Variants in ARHGAP21 observed in about 807,000 individuals in gnomAD.
The protein encoded by ARHGAP21 is Rho GTPase activating protein 21, also known as rho GTPase-activating protein 21.
A neutral mutation model predicts 164.6 loss-of-function variants in ARHGAP21; 38 were observed. The ratio of observed to expected loss-of-function variants is 0.23; its 90% CI spans 0.18 to 0.30. ARHGAP21 has a LOEUF of 0.30. Among genes scored for constraint, ARHGAP21 ranks in the 10% least tolerant of loss-of-function variants. The pLI, the probability that ARHGAP21 is intolerant of heterozygous loss-of-function variation, is 1.00. For missense variants in ARHGAP21, 1,822 were observed against 2,370.7 expected (o/e 0.77, Z 4.81); for synonymous variants, 766 against 857.9 (o/e 0.89, Z 1.87).
At position 24,585,443 on chromosome 10, in the gene ARHGAP21, C is replaced by T; in HGVS notation, c.4846G>A (p.Gly1616Arg). Residue 1616 changes from glycine (G) to arginine (R), a missense_variant, in exon 26 of 26, where the codon GGG becomes AGG. Gly to Arg is a moderately radical substitution (Grantham distance 125). Around this residue, in one of 5 missense-constraint regions of ARHGAP21, gnomAD observed 333 missense variants for 383.9 expected, o/e 0.87. Transcript: ENST00000396432. The part of the protein sequence containing the change: ...PEVQSVAESK[G>R]DEADDERSEL... ...CTTCTCTCGTCATCTGCCTCGTCCCCCTTGCTCTCTGCCACGGATTGCACC... is the reference window on the plus strand; with the variant it reads ...CTTCTCTCGTCATCTGCCTCGTCCCTCTTGCTCTCTGCCACGGATTGCACC... 6.2e-7 allele frequency: 1 copy of T among 1,614,130 alleles called. No individual in the cohort carries two copies. Among genetic ancestry groups the T allele is most frequent in the Non-Finnish European group, 8.5e-7 (1 of 1,180,048 alleles).
At chr10:24,651,297 T>C (rs747304536) in intron 4 of ARHGAP21, among the ~76,000 whole-genome samples, 2 of 152,188 alleles carry the variant, frequency 1.3e-5, no homozygotes, top group Non-Finnish European at 2.9e-5. Context: ...AGCAGAGGCA[T>C]TCTTAGATCT....
At chr10:24,696,950 G>A (rs1255833357) in intron 2 of ARHGAP21, among the ~76,000 whole-genome samples, 1 of 152,224 alleles carries the variant, frequency 6.6e-6, no homozygotes, top group African/African-American at 2.4e-5. Flanking sequence ...CTATAGGTCT[G>A]GGCTTCTTAA....
chr10:24,598,859 G>T lies in ARHGAP21; in HGVS notation c.3133-850C>A, dbSNP rs150317552. ...CTGCCTGGATTTAAATCCTACCCCTGATGCTTAAGTCACTGTGTGACCTTA... is the reference window on the plus strand; with the variant it reads ...CTGCCTGGATTTAAATCCTACCCCTTATGCTTAAGTCACTGTGTGACCTTA... On this transcript the variant is annotated intron_variant, in intron 14 of 25. Transcript: ENST00000396432. Among the ~76,000 whole-genome samples the T allele has an allele frequency of 1.8e-3, 279 of 152,272 alleles. 1 individual carries two copies. Among genetic ancestry groups the T allele is most frequent in the African/African-American group, 6.5e-3 (269 of 41,554 alleles).
chr10:24,602,968 G>A (rs1195782772), intron 12 of ARHGAP21, among the ~76,000 whole-genome samples: 4 of 152,032 alleles, frequency 2.6e-5, no homozygotes, highest in Non-Finnish European at 4.4e-5. Context: ...GAAAACTAAG[G>A]GATAAGGAAG....
intron 7 of ARHGAP21, among the ~76,000 whole-genome samples, chr10:24,623,319 CTG>C (rs1834760570): frequency 6.6e-6 from 1 of 152,216 alleles, no homozygotes; most frequent in South Asian, 2.1e-4. Flanking sequence ...TCTTTCAACA[CTG>C]TGCCTTTTGT....
chr10:24,684,900 A>G (rs1337900559), intron 2 of ARHGAP21, among the ~76,000 whole-genome samples: 1 of 152,178 alleles, frequency 6.6e-6, no homozygotes, highest in East Asian at 1.9e-4. Context: ...CAGCCTCCCA[A>G]AGTGCTGGGA....
intron 5 of ARHGAP21, 87 bp downstream of exon 5, chr10:24,634,924 A>T (rs1836216531): frequency 1.9e-6 from 2 of 1,064,668 alleles, no homozygotes; most frequent in Admixed American, 2.8e-5. Flanking sequence ...AGAAAGATAC[A>T]AAAGGAAAAA....
intron 4 of ARHGAP21, among the ~76,000 whole-genome samples, chr10:24,651,997 T>C (rs1389986065): frequency 6.6e-6 from 1 of 152,232 alleles, no homozygotes; most frequent in Non-Finnish European, 1.5e-5. Flanking sequence ...ATCAATGGAA[T>C]AGAACAAAGG....
At position 24,584,965 on chromosome 10, in the gene ARHGAP21, G is replaced by A. The variant is rs1208124361; in HGVS notation, c.5324C>T (p.Ala1775Val). 1.2e-6 allele frequency: 2 copies of A among 1,613,844 alleles called. No homozygotes were observed. The highest frequency in any genetic ancestry group is 1.7e-6 in the Non-Finnish European group (2 of 1,179,848). The change falls in exon 26 of 26, where the codon GCC becomes GTC. Residue 1775 changes from alanine (A) to valine (V), a missense_variant. Around this residue, in one of 5 missense-constraint regions of ARHGAP21, gnomAD observed 117 missense variants for 193.2 expected, o/e 0.61. Transcript: ENST00000396432. ...IADRLKLRPRAPADDMFGVGN... is the reference protein window; with the variant it reads ...IADRLKLRPRVPADDMFGVGN... ...TACTCCAAACATGTCATCCGCAGGG[G>A]CTCTGGGTCTCAGTTTTAACCGATC... is the stretch of plus-strand genomic sequence containing the variant.
rs186178527 is a variant in ARHGAP21, at chr10:24,605,087, A to C, written c.2685-739T>G. Among the ~76,000 whole-genome samples, 26 of 152,272 alleles carry C rather than the reference A, an allele frequency of 1.7e-4. No homozygotes were observed. The East Asian group carries it at 4.3e-3, about 25-fold the overall frequency. Reference sequence around the variant, plus strand: ...CCCCTCAAACAACAATGTAATCAGAAAGATATGCAAACTCAATCTTCAACC... The same window carrying C: ...CCCCTCAAACAACAATGTAATCAGACAGATATGCAAACTCAATCTTCAACC... On this transcript the variant is annotated intron_variant, in intron 11 of 25. Transcript: ENST00000396432.
intron 2 of ARHGAP21, among the ~76,000 whole-genome samples, chr10:24,682,953 A>C (rs1393432064): frequency 6.6e-6 from 1 of 151,974 alleles, no homozygotes; most frequent in African/African-American, 2.4e-5. Flanking sequence ...AAAATTAGCC[A>C]GGCGTGGTGG....
At chr10:24,713,885 C>T (rs1845102252) in intron 2 of ARHGAP21, among the ~76,000 whole-genome samples, 1 of 151,986 alleles carries the variant, frequency 6.6e-6, no homozygotes, top group Admixed American at 6.6e-5. Flanking sequence ...TGCACAATAC[C>T]CAATTTTATA....
intron 4 of ARHGAP21, among the ~76,000 whole-genome samples, chr10:24,653,554 CAGAG>C (rs1838436579): frequency 6.7e-6 from 1 of 150,256 alleles, no homozygotes; most frequent in Non-Finnish European, 1.5e-5. Context: ...GCCTGGGCGA[CAGAG>C]AGAGACTCTG....
At chr10:24,637,546 A>C (rs544939012) in intron 4 of ARHGAP21, among the ~76,000 whole-genome samples, 2 of 152,338 alleles carry the variant, frequency 1.3e-5, no homozygotes, top group South Asian at 4.1e-4. Context: ...AAAAATACAA[A>C]ATGTAAATGA....
At chr10:24,596,617 T>C in intron 17 of ARHGAP21, 123 bp downstream of exon 17, 1 of 1,347,530 alleles carries the variant, frequency 7.4e-7, no homozygotes, top group Non-Finnish European at 1.0e-6. Context: ...GAAACTAAGG[T>C]CTGCTATGAA....
chr10:24,585,535 G>C lies in ARHGAP21; in HGVS notation c.4754C>G (p.Ser1585Ter). Residue 1585 changes from serine (S) to a stop codon, truncating the protein, a stop_gained, in exon 26 of 26, where the codon TCA (serine) becomes TGA (stop). Coordinates refer to ENST00000396432, the MANE Select transcript of ARHGAP21 (RefSeq NM_020824.4). LOFTEE classifies it low-confidence loss of function (END_TRUNC). ...EFLANVSTIT[S>*]DYSTTSSATY... ...AGCAGACGATGTGGTGGAATAATCT[G>C]AGGTGATGGTGCTGACGTTGGCCAA... is the stretch of plus-strand genomic sequence containing the variant. The C allele has an allele frequency of 8.7e-6, 14 of 1,614,208 alleles. No individual in the cohort carries two copies. The highest frequency in any genetic ancestry group is 1.1e-5 in the Non-Finnish European group (13 of 1,180,042).
intron 2 of ARHGAP21, among the ~76,000 whole-genome samples, chr10:24,713,188 A>G (rs984533175): frequency 6.6e-6 from 1 of 152,234 alleles, no homozygotes; most frequent in East Asian, 1.9e-4. Flanking sequence ...GAACAAAAAA[A>G]TAGAACTCAA....
Position 24,600,939 on chromosome 10 carries a change from C to T in ARHGAP21, c.2848-9G>A. ...ATACTTCCACCAACTCGCTAGAAAA[C>T]ATGCGACAGTTCTTTAATAGTCAAT... On this transcript the variant is annotated splice_polypyrimidine_tract_variant and intron_variant, in intron 13 of 25. Transcript: ENST00000396432. The T allele has an allele frequency of 1.2e-6, 2 of 1,607,476 alleles. No individual in the cohort carries two copies. Among genetic ancestry groups the T allele is most frequent in the Non-Finnish European group, 8.5e-7 (1 of 1,175,126 alleles).
intron 2 of ARHGAP21, among the ~76,000 whole-genome samples, chr10:24,672,316 T>C (rs911481399): frequency 4.6e-5 from 7 of 152,106 alleles, no homozygotes; most frequent in Non-Finnish European, 1.0e-4. Flanking sequence ...TCTTGAAGAA[T>C]TTTCTCAACT....
Sources: gnomAD v4.1 joint callset for allele counts (sites outside exome capture counted in the v4.1 genomes callset) on GRCh38, gnomAD v4.1.1 for gene constraint, gnomAD v4.1.1 regional missense constraint, MANE v1.5 for transcripts, NCBI Gene and HGNC (gene_info 2026-07-23, HGNC 2026-07-21) for gene names.